The following CDH4 variants were observed in gnomAD, a reference collection of about 807,000 sequenced individuals.
CDH4 encodes cadherin 4.
CDH4 carries 33 observed loss-of-function variants against 86.0 expected under a neutral mutation model. That is an observed-to-expected ratio of 0.38 (90% confidence interval 0.29 to 0.51). The LOEUF (loss-of-function observed/expected upper bound fraction) is 0.51. Among genes scored for constraint, CDH4 ranks in the 20% least tolerant of loss-of-function variants. The probability of loss-of-function intolerance (pLI) is 0.86; values close to 1 mark genes in which losing one functional copy is unlikely to be tolerated. For synonymous variants in CDH4, 555 were observed against 549.4 expected (o/e 1.01, Z -0.14); for missense variants, 1,114 against 1,307.4 (o/e 0.85, Z 2.28).
chr20:61,576,221 A>G (rs6121702), intron 2 of CDH4, among the ~76,000 whole-genome samples: 16,946 of 152,156 alleles, frequency 0.11, 2,155 homozygotes, highest in African/African-American at 0.31. Flanking sequence ...AACATAAAAC[A>G]GTTCTTCCTG....
intron 2 of CDH4, among the ~76,000 whole-genome samples, chr20:61,402,057 A>G (rs575301185): frequency 1.3e-5 from 2 of 152,336 alleles, no homozygotes; most frequent in South Asian, 4.1e-4. Context: ...CATTTGTCCC[A>G]GTCACCTAGC....
rs755112377 is a variant in CDH4 at position 61,923,656 on chromosome 20, C to A, written c.1580C>A (p.Thr527Asn). The change falls in exon 10 of 16, where the codon ACC (threonine) becomes AAC (asparagine). Residue 527 changes from threonine (T) to asparagine (N), a missense_variant. Thr to Asn is a moderately conservative substitution (Grantham distance 65, BLOSUM62 0). Transcript: ENST00000614565. ...EEGVPPGTVL[T>N]TFSAVDPDRF... ...GGCGTGCCCCCCGGCACCGTGCTGA[C>A]CACGTTTTCAGCTGTGGACCCTGAC... is the stretch of plus-strand genomic sequence containing the variant. The A allele has an allele frequency of 6.2e-7, 1 of 1,614,066 alleles. No homozygotes were observed. The highest frequency in any genetic ancestry group is 1.1e-5 in the South Asian group (1 of 91,082).
intron 2 of CDH4, among the ~76,000 whole-genome samples, chr20:61,554,801 C>T (rs1600753998): frequency 6.6e-6 from 1 of 152,222 alleles, no homozygotes; most frequent in Non-Finnish European, 1.5e-5. Context: ...CACACGTGCA[C>T]ATGTATGCAC....
chr20:61,340,717 TG>T (rs138499691), intron 2 of CDH4, among the ~76,000 whole-genome samples: 76 of 152,220 alleles, frequency 5.0e-4, no homozygotes, highest in African/African-American at 1.7e-3. Flanking sequence ...CCTAAATAGC[TG>T]GGACCACAGG....
intron 8 of CDH4, among the ~76,000 whole-genome samples, chr20:61,900,520 C>G (rs1057219376): frequency 6.6e-6 from 1 of 152,290 alleles, no homozygotes; most frequent in Non-Finnish European, 1.5e-5. Context: ...GAGAGGCCAA[C>G]TCTGGGTCCA....
At chr20:61,821,533 A>ATG in intron 4 of CDH4, among the ~76,000 whole-genome samples, 1 of 134,368 alleles carries the variant, frequency 7.4e-6, no homozygotes, top group Non-Finnish European at 1.6e-5. Flanking sequence ...CTCACTCCCT[A>ATG]CGCAGCCCCC....
intron 2 of CDH4, among the ~76,000 whole-genome samples, chr20:61,660,816 G>A (rs943216843): frequency 6.6e-6 from 1 of 152,080 alleles, no homozygotes; most frequent in African/African-American, 2.4e-5. Context: ...CTGGACTCCC[G>A]CGTGGAACAC....
rs1555828912 is a variant in CDH4 at position 61,714,021 on chromosome 20, T to TATTTTATTTTATTTTATTTTA, written c.170-29542_170-29541insATTTTATTTTATTTTATTTTA. 5.5e-4 allele frequency among the ~76,000 whole-genome samples: 75 copies of TATTTTATTTTATTTTATTTTA among 135,976 alleles called. 3 individuals carry two copies. In the South Asian group the frequency reaches 0.02, roughly 36 times the overall value. The allele number at this position is 135,976 out of a possible 152,430, so 89.2% of individuals were successfully genotyped here. ...CTGTCTTAGTCCATTGTCTATTCTT[T>TATTTTATTTTATTTTATTTTA]TTTTATTTTATTTTATTTTATTTTA... is the stretch of plus-strand genomic sequence containing the variant. On this transcript the variant is annotated intron_variant, in intron 2 of 15. Transcript: ENST00000614565.
At chr20:61,376,938 A>T (rs1023113538) in intron 2 of CDH4, among the ~76,000 whole-genome samples, 6 of 152,180 alleles carry the variant, frequency 3.9e-5, no homozygotes, top group African/African-American at 1.2e-4. Flanking sequence ...TGATGGGCAC[A>T]GTTCCTGAGT....
At chr20:61,422,683 C>G (rs760802340) in intron 2 of CDH4, among the ~76,000 whole-genome samples, 1 of 152,130 alleles carries the variant, frequency 6.6e-6, no homozygotes, top group African/African-American at 2.4e-5. Context: ...GGACAAGATG[C>G]AATTGCTGAG....
chr20:61,536,131 A>G (rs1447429076), intron 2 of CDH4, among the ~76,000 whole-genome samples: 1 of 152,218 alleles, frequency 6.6e-6, no homozygotes, highest in African/African-American at 2.4e-5. Context: ...GAACCCGGCC[A>G]GGCCAGCCAG....
At chr20:61,872,168 A>G (rs1983834209) in intron 6 of CDH4, among the ~76,000 whole-genome samples, 1 of 152,118 alleles carries the variant, frequency 6.6e-6, no homozygotes. Context: ...CAGTCCAGCA[A>G]ATGTCCAACA....
At chr20:61,450,732 C>A (rs756942005) in intron 2 of CDH4, among the ~76,000 whole-genome samples, 17 of 151,714 alleles carry the variant, frequency 1.1e-4, no homozygotes, top group Non-Finnish European at 1.8e-4. Context: ...ATTCATTCAG[C>A]AAACTGCTCG....
At chr20:61,825,728 A>G (rs1380124088) in intron 4 of CDH4, among the ~76,000 whole-genome samples, 3 of 152,194 alleles carry the variant, frequency 2.0e-5, no homozygotes, top group Non-Finnish European at 4.4e-5. Flanking sequence ...GCCATGCTCC[A>G]AGGCATTGCT....
chr20:61,928,437 A>AG lies in CDH4; in HGVS notation c.2005+16dup, dbSNP rs1259321855. ...CCCGCCTGAACGGTGAGCCCGCCTT[A>AG]GGCCACGGGGAGGGTCAGACTAGCC... is the stretch of plus-strand genomic sequence containing the variant. On this transcript the variant is annotated intron_variant, in intron 12 of 15. Transcript: ENST00000614565. 6.2e-7 allele frequency: 1 copy of AG among 1,609,188 alleles called. No homozygotes were observed. Among genetic ancestry groups the AG allele is most frequent in the East Asian group, 2.2e-5 (1 of 44,864 alleles).
chr20:61,272,869 A>G (rs192973032), intron 2 of CDH4, among the ~76,000 whole-genome samples: 5 of 114,676 alleles, frequency 4.4e-5, no homozygotes, highest in Admixed American at 2.2e-4. Flanking sequence ...GGAGAGTACC[A>G]TGCGCAGTTT....
intron 2 of CDH4, among the ~76,000 whole-genome samples, chr20:61,458,534 C>G (rs1322945833): frequency 6.6e-6 from 1 of 151,472 alleles, no homozygotes; most frequent in Non-Finnish European, 1.5e-5. Context: ...AGTGCTGACA[C>G]TGGTGGTGGT....
At position 61,623,211 on chromosome 20, in the gene CDH4, C is replaced by T. The variant is rs1218753979; in HGVS notation, c.170-120352C>T. On this transcript the variant is annotated intron_variant, in intron 2 of 15. Transcript: ENST00000614565. This position sits in a 1 kb window ranked among gnomAD's most constrained non-coding sequence, Gnocchi z 4.4. ...CGACCCTGCCTATGCCAGCCGCTGG[C>T]TCACCCCACCTGCCACGCTGCACCC... Among the ~76,000 whole-genome samples the T allele has an allele frequency of 6.6e-6, 1 of 152,132 alleles. No individual in the cohort carries two copies. Among genetic ancestry groups the T allele is most frequent in the Non-Finnish European group, 1.5e-5 (1 of 68,024 alleles).
intron 4 of CDH4, among the ~76,000 whole-genome samples, chr20:61,844,398 C>T (rs1982329391): frequency 6.6e-6 from 1 of 151,892 alleles, no homozygotes; most frequent in Non-Finnish European, 1.5e-5. Flanking sequence ...TTCATCTGTG[C>T]TGTGGATGTC....
Sources: allele counts gnomAD v4.1 joint callset (sites outside exome capture counted in the v4.1 genomes callset), GRCh38; gene constraint gnomAD v4.1.1; non-coding constraint Gnocchi (gnomAD v3.1); transcripts MANE v1.5; gene names NCBI Gene and HGNC (gene_info 2026-07-23, HGNC 2026-07-21).